Variants in DNAH14 observed in about 807,000 individuals in gnomAD.
DNAH14 encodes the protein dynein axonemal heavy chain 14.
DNAH14 carries 478 observed loss-of-function variants against 520.9 expected under a neutral mutation model. The observed-to-expected ratio is 0.92, with a 90% CI of 0.85 to 0.99. The LOEUF is 0.99. Among genes scored for constraint, DNAH14 ranks in the 50% least tolerant of loss-of-function variants. The pLI, the probability that DNAH14 is intolerant of heterozygous loss-of-function variation, is 0.00. For missense variants in DNAH14, 4,831 were observed against 5,234.5 expected (o/e 0.92, Z 2.38); for synonymous variants, 1,581 against 1,757.2 (o/e 0.90, Z 2.51).
intron 58 of DNAH14, 91 bp from the exon 59 acceptor site, chr1:225,307,359 CATTTGGCCATA>C: frequency 1.3e-6 from 1 of 795,758 alleles, no homozygotes; most frequent in Non-Finnish European, 2.0e-6. Flanking sequence ...GAATAAAATC[CATTTGGCCATA>C]ATTTGGTGTA....
chr1:225,079,224 G>A lies in DNAH14; in HGVS notation c.2442G>A (p.Leu814=). Residue 814 remains leucine, a synonymous_variant, in exon 18 of 86, where the codon TTG becomes TTA. Transcript: ENST00000682510. ...GATTTCAGGTTGTGGAATCATCATT[G>A]CAGCAGCTGGAATGTGATCCCACTG... ...KNLLEVVESS[L]QQLECDPTEI... The A allele has an allele frequency of 6.5e-7, 1 of 1,543,786 alleles. No homozygotes were observed.
chr1:225,049,807 T>TATCTATCTATC (rs751797027), intron 15 of DNAH14, among the ~76,000 whole-genome samples: 1 of 148,274 alleles, frequency 6.7e-6, no homozygotes, highest in Non-Finnish European at 1.5e-5. Context: ...TCTATCTATC[T>TATCTATCTATC]ATCAATCATC....
intron 72 of DNAH14, among the ~76,000 whole-genome samples, chr1:225,352,479 A>G (rs553678564): frequency 5.5e-4 from 84 of 152,264 alleles, no homozygotes; most frequent in African/African-American, 1.9e-3. Flanking sequence ...TTTCTGTAAG[A>G]TAAATAATCA....
At position 224,964,553 on chromosome 1, in the gene DNAH14, C is replaced by T; in HGVS notation, c.442C>T (p.Gln148Ter). ...GCTTGGTTGGCAAACTATATTACCGCAGCACAGTTTGAAATACGGAAGCTC... is the reference window on the plus strand; with the variant it reads ...GCTTGGTTGGCAAACTATATTACCGTAGCACAGTTTGAAATACGGAAGCTC... Reference protein sequence around the residue: ...EKLGWQTILPQHSLKYGSSKI... With the variant: ...EKLGWQTILP The change falls in exon 5 of 86, where the codon CAG becomes TAG. Residue 148 changes from glutamine to a stop codon, truncating the protein, a stop_gained. Transcript: ENST00000682510. LOFTEE classifies it high-confidence loss of function. 6.2e-7 allele frequency: 1 copy of T among 1,608,400 alleles called. No individual in the cohort carries two copies.
At chr1:224,947,585 T>G (rs1332670845) in intron 1 of DNAH14, among the ~76,000 whole-genome samples, 2 of 152,118 alleles carry the variant, frequency 1.3e-5, no homozygotes, top group Non-Finnish European at 2.9e-5. Flanking sequence ...ATCTTTAGTA[T>G]TATTCTACTT....
intron 51 of DNAH14, 117 bp downstream of exon 51, chr1:225,272,190 G>C (rs1462996019): frequency 1.0e-6 from 1 of 974,788 alleles, no homozygotes; most frequent in Non-Finnish European, 1.5e-6. Context: ...GGTTAGTTTT[G>C]CTATTAGCAG....
intron 36 of DNAH14, among the ~76,000 whole-genome samples, chr1:225,184,579 C>G (rs943826548): frequency 6.6e-6 from 1 of 152,050 alleles, no homozygotes; most frequent in Admixed American, 6.6e-5. Flanking sequence ...CAGATTGTAC[C>G]ACTGCACACC....
At chr1:225,126,515 CTGATGGTAGTT>C (rs1335262466) in intron 27 of DNAH14, among the ~76,000 whole-genome samples, 1 of 152,160 alleles carries the variant, frequency 6.6e-6, no homozygotes, top group Admixed American at 6.5e-5. Context: ...GTAGTATTCT[CTGATGGTAGTT>C]TGTATTTCTG....
At chr1:225,142,519 A>G (rs2079547555) in intron 28 of DNAH14, among the ~76,000 whole-genome samples, 1 of 152,236 alleles carries the variant, frequency 6.6e-6, no homozygotes, top group South Asian at 2.1e-4. Context: ...ATAAAAAGCA[A>G]GTATCCCATG....
intron 34 of DNAH14, among the ~76,000 whole-genome samples, chr1:225,158,796 C>T (rs2081278101): frequency 6.6e-6 from 1 of 152,060 alleles, no homozygotes; most frequent in Non-Finnish European, 1.5e-5. Flanking sequence ...AGCCATTTAC[C>T]AGAAATAGCA....
chr1:225,228,256 G>T (rs1217550930), intron 41 of DNAH14, among the ~76,000 whole-genome samples: 1 of 152,168 alleles, frequency 6.6e-6, no homozygotes, highest in African/African-American at 2.4e-5. Flanking sequence ...TGTGTCTAAT[G>T]AATTCTCTTA....
In DNAH14 at chr1:225,252,386, A is replaced by C; in HGVS notation, c.6834A>C (p.Leu2278Phe). The change falls in exon 44 of 86, where the codon TTA becomes TTC. Residue 2278 changes from leucine to phenylalanine, a missense_variant. Transcript: ENST00000682510. ...GTGAATTCATACCTTGGTCAGATTT[A>C]GTTCCTAATGATCAGACACTAATTC... ...EQCEFIPWSD[L>F]VPNDQTLIQR... is the part of the protein sequence containing the mutation. 1 of 1,542,338 alleles carries C rather than the reference A, an allele frequency of 6.5e-7. No individual in the cohort carries two copies. Among genetic ancestry groups the C allele is most frequent in the South Asian group, 1.2e-5 (1 of 83,608 alleles).
At chr1:225,358,438 G>T in intron 73 of DNAH14, 58 bp from the exon 74 acceptor site, 1 of 1,332,798 alleles carries the variant, frequency 7.5e-7, no homozygotes, top group Non-Finnish European at 1.0e-6. Context: ...TTTACCATAG[G>T]GAATATCTCT....
rs1471094941 is a variant in DNAH14, at chr1:225,307,558, C to T, written c.9103C>T (p.Gln3035Ter). The change falls in exon 59 of 86, where the codon CAA (glutamine) becomes TAA (stop). Residue 3035 changes from glutamine to a stop codon, truncating the protein, a stop_gained. Coordinates refer to ENST00000682510, the MANE Select transcript of DNAH14 (RefSeq NM_001367479.1). LOFTEE classifies it high-confidence loss of function. Reference sequence around the variant, plus strand: ...CTTGATTCTTGGCCCTCAAGTAGAACAAAAAACAAAGGTATGTTTGCTTTG... The same window carrying T: ...CTTGATTCTTGGCCCTCAAGTAGAATAAAAAACAAAGGTATGTTTGCTTTG... ...ELLILGPQVEQKTKETETLME... is the reference protein window; with the variant it reads ...ELLILGPQVE 3.3e-6 allele frequency: 5 copies of T among 1,533,918 alleles called. No individual in the cohort carries two copies. In the Admixed American group the frequency reaches 1.1e-4, roughly 34 times the overall value.
At chr1:225,043,249 G>A (rs6662177) in intron 13 of DNAH14, 135 bp downstream of exon 13, 10,476 of 298,936 alleles carry the variant, frequency 0.035, 659 homozygotes, top group African/African-American at 0.19. Flanking sequence ...GGGCAACACA[G>A]TGAGACCTTG....
At chr1:225,339,033 A>G (rs932351285) in intron 68 of DNAH14, among the ~76,000 whole-genome samples, 3 of 151,938 alleles carry the variant, frequency 2.0e-5, no homozygotes, top group African/African-American at 7.3e-5. Flanking sequence ...GTGGTGGCGC[A>G]CGCCTGTAAT....
chr1:225,089,474 G>GAA, intron 21 of DNAH14, among the ~76,000 whole-genome samples: 1 of 131,574 alleles, frequency 7.6e-6, no homozygotes, highest in African/African-American at 2.8e-5. Context: ...AAGAGAGCGA[G>GAA]AGAAAGAAAA....
At chr1:225,381,234 G>A (rs1413311616) in intron 80 of DNAH14, 149 bp from the exon 81 acceptor site, 4 of 758,302 alleles carry the variant, frequency 5.3e-6, no homozygotes, top group Admixed American at 6.0e-5. Context: ...ACCCTAAAAT[G>A]TTTGCTATCT....
intron 7 of DNAH14, among the ~76,000 whole-genome samples, chr1:224,971,334 T>C (rs1446598088): frequency 1.3e-5 from 2 of 152,136 alleles, no homozygotes; most frequent in African/African-American, 4.8e-5. Context: ...AATATGTAAA[T>C]AGCTTAAATA....
Sources: gnomAD v4.1 joint callset for allele counts (sites outside exome capture counted in the v4.1 genomes callset) on GRCh38, gnomAD v4.1.1 for gene constraint, MANE v1.5 for transcripts, NCBI Gene and HGNC (gene_info 2026-07-23, HGNC 2026-07-21) for gene names.